Variants in PTPRD observed in about 807,000 individuals in gnomAD.
PTPRD encodes protein tyrosine phosphatase receptor type D, also known as receptor-type tyrosine-protein phosphatase delta.
In PTPRD, 34 loss-of-function variants were observed where a neutral mutation model predicts 214.5. That is an observed-to-expected ratio of 0.16 (90% CI 0.12 to 0.21). PTPRD has a LOEUF of 0.21. Among genes scored for constraint, PTPRD ranks in the 10% least tolerant of loss-of-function variants. PTPRD has a pLI of 1.00. For synonymous variants in PTPRD, 1,128 were observed against 845.7 expected, an observed-to-expected ratio of 1.33 and a Z score of -5.79; for missense variants, 2,545 against 2,398.7, an observed-to-expected ratio of 1.06 and a Z score of -1.27.
chr9:8,793,023 A>G (rs1166651568), intron 11 of PTPRD, among the ~76,000 whole-genome samples: 1 of 152,172 alleles, frequency 6.6e-6, no homozygotes, highest in Non-Finnish European at 1.5e-5. Flanking sequence ...CAAGCTCAAG[A>G]AGCTGGCGAC....
At chr9:9,809,304 G>C (rs2046411073) in intron 5 of PTPRD, among the ~76,000 whole-genome samples, 1 of 123,368 alleles carries the variant, frequency 8.1e-6, no homozygotes, top group Admixed American at 1.1e-4. Flanking sequence ...GTCTCACTCT[G>C]TCTCCCAAAC....
At chr9:8,398,264 AG>A (rs528910314) in intron 36 of PTPRD, among the ~76,000 whole-genome samples, 138 of 152,250 alleles carry the variant, frequency 9.1e-4, no homozygotes, top group African/African-American at 3.2e-3. Context: ...TAGTAATTGT[AG>A]GAAGTAGGTA....
chr9:8,875,268 A>G (rs996719568), intron 11 of PTPRD, among the ~76,000 whole-genome samples: 1 of 152,210 alleles, frequency 6.6e-6, no homozygotes, highest in Non-Finnish European at 1.5e-5. Flanking sequence ...GCCCATGCCT[A>G]TAATTTCAGC....
At chr9:8,346,816 T>C (rs1356006712) in intron 39 of PTPRD, among the ~76,000 whole-genome samples, 1 of 152,154 alleles carries the variant, frequency 6.6e-6, no homozygotes, top group Admixed American at 6.6e-5. Flanking sequence ...AGAAATCGTA[T>C]GCTGAGGTTG....
At chr9:9,424,161 G>C (rs572164262) in intron 8 of PTPRD, among the ~76,000 whole-genome samples, 1 of 152,192 alleles carries the variant, frequency 6.6e-6, no homozygotes, top group Non-Finnish European at 1.5e-5. Context: ...CCTAGCTCCA[G>C]AGCTGCCCGT....
chr9:8,380,094 GGTT>G (rs1345512287), intron 37 of PTPRD, among the ~76,000 whole-genome samples: 4 of 152,010 alleles, frequency 2.6e-5, no homozygotes, highest in Admixed American at 1.3e-4. Context: ...GTGTGTGGGG[GGTT>G]GTTGTTATAA....
At chr9:9,745,748 A>T (rs182273951) in intron 6 of PTPRD, among the ~76,000 whole-genome samples, 2 of 151,850 alleles carry the variant, frequency 1.3e-5, no homozygotes, top group Admixed American at 1.3e-4. Flanking sequence ...TCCTCACTGT[A>T]CTCTAGCTAC....
At position 9,824,312 on chromosome 9, in the gene PTPRD, T is replaced by C. The variant is rs562046295; in HGVS notation, c.-367-57461A>G. On this transcript the variant is annotated intron_variant, in intron 5 of 45. Coordinates refer to ENST00000381196, the MANE Select transcript of PTPRD (RefSeq NM_002839.4). Reference sequence around the variant, plus strand: ...CTATTTCTACTTTCTTCATTACTTATGACTGAAATTTATTTTATATTAAAC... The same window carrying C: ...CTATTTCTACTTTCTTCATTACTTACGACTGAAATTTATTTTATATTAAAC... 1.1e-4 allele frequency among the ~76,000 whole-genome samples: 16 copies of C among 152,150 alleles called. No individual in the cohort carries two copies. The South Asian group carries it at 1.7e-3, about 16-fold the overall frequency.
chr9:9,605,621 A>T (rs911209623), intron 7 of PTPRD, among the ~76,000 whole-genome samples: 2 of 152,088 alleles, frequency 1.3e-5, no homozygotes, highest in Admixed American at 1.3e-4. Context: ...ATTATATAAC[A>T]AAATTTGTGT....
intron 2 of PTPRD, among the ~76,000 whole-genome samples, chr9:10,397,876 C>T (rs1173213703): frequency 4.6e-5 from 7 of 151,852 alleles, no homozygotes; most frequent in South Asian, 2.1e-4. Flanking sequence ...GTACACTCCA[C>T]GATGTTTGCA....
chr9:10,371,694 C>T (rs1029617053), intron 2 of PTPRD, among the ~76,000 whole-genome samples: 4 of 152,036 alleles, frequency 2.6e-5, no homozygotes, highest in African/African-American at 7.2e-5. Flanking sequence ...CAAATATACA[C>T]ATGAAGTAAA....
chr9:9,805,032 A>T (rs938362171), intron 5 of PTPRD, among the ~76,000 whole-genome samples: 5 of 152,152 alleles, frequency 3.3e-5, no homozygotes, highest in Non-Finnish European at 7.4e-5. Flanking sequence ...TAATATCTAA[A>T]TTGATCCTCA....
chr9:9,641,089 T>TAATTGGAAAATAAA (rs2095930854), intron 7 of PTPRD, among the ~76,000 whole-genome samples: 1 of 151,802 alleles, frequency 6.6e-6, no homozygotes. Context: ...AAGCTATAGC[T>TAATTGGAAAATAAA]TTAAATAGCT....
chr9:10,082,190 T>C (rs146191646), intron 3 of PTPRD, among the ~76,000 whole-genome samples: 19 of 152,210 alleles, frequency 1.2e-4, no homozygotes, highest in African/African-American at 4.6e-4. Context: ...CTGGAATCAA[T>C]TACTGAATTA....
chr9:9,669,858 A>T (rs1203980127), intron 7 of PTPRD, among the ~76,000 whole-genome samples: 1 of 152,202 alleles, frequency 6.6e-6, no homozygotes, highest in Non-Finnish European at 1.5e-5. Context: ...TACAAATGTC[A>T]ATGATTATAG....
chr9:8,545,576 G>A (rs934379582), intron 14 of PTPRD, among the ~76,000 whole-genome samples: 1 of 152,142 alleles, frequency 6.6e-6, no homozygotes, highest in East Asian at 1.9e-4. Context: ...AGAAGGCAAG[G>A]ACTATACAGA....
At chr9:9,218,784 T>A (rs1356902603) in intron 9 of PTPRD, among the ~76,000 whole-genome samples, 1 of 152,138 alleles carries the variant, frequency 6.6e-6, no homozygotes, top group Non-Finnish European at 1.5e-5. Flanking sequence ...CATTCTCCAC[T>A]GTCATGAATG....
intron 10 of PTPRD, among the ~76,000 whole-genome samples, chr9:9,115,289 T>G (rs2099811301): frequency 6.6e-6 from 1 of 152,058 alleles, no homozygotes; most frequent in Non-Finnish European, 1.5e-5. Flanking sequence ...GTTTTGAAAA[T>G]AATCTTACAT....
chr9:10,150,435 C>T (rs2099052918), intron 3 of PTPRD, among the ~76,000 whole-genome samples: 1 of 151,992 alleles, frequency 6.6e-6, no homozygotes, highest in African/African-American at 2.4e-5. Flanking sequence ...ACTGAATGTT[C>T]TCACTCATAG....
Sources: gnomAD v4.1 joint callset for allele counts (sites outside exome capture counted in the v4.1 genomes callset) on GRCh38, gnomAD v4.1.1 for gene constraint, MANE v1.5 for transcripts, NCBI Gene and HGNC (gene_info 2026-07-23, HGNC 2026-07-21) for gene names.